The following GCSAML variants were observed in gnomAD, a reference collection of about 807,000 sequenced individuals.
GCSAML encodes the protein germinal center-associated signaling and motility-like protein.
Under a neutral mutation model 13.0 loss-of-function variants are expected in GCSAML, and 9 were observed. The observed-to-expected ratio is 0.69, with a 90% CI of 0.42 to 1.21. The LOEUF (loss-of-function observed/expected upper bound fraction) is 1.21, where lower values mean the gene tolerates loss of function less well. Among genes scored for constraint, GCSAML ranks in the 50% most tolerant of loss-of-function variants. The pLI is 0.00. For missense variants in GCSAML, 143 were observed against 153.4 expected (o/e 0.93, Z 0.36); for synonymous variants, 37 against 52.9 (o/e 0.70, Z 1.31).
chr1:247,529,715 G>A (rs1216351318), intron 2 of GCSAML: 4 of 108,808 alleles, frequency 3.7e-5, no homozygotes, highest in African/African-American at 1.3e-4. Flanking sequence ...TTACTGTGAA[G>A]GTGTTTTTTT....
chr1:247,558,455 A>T (rs978133582), intron 2 of GCSAML, among the ~76,000 whole-genome samples: 1 of 152,148 alleles, frequency 6.6e-6, no homozygotes, highest in Non-Finnish European at 1.5e-5. Flanking sequence ...ATACAGTTTG[A>T]TAAGTTTAGG....
At chr1:247,556,488 G>A (rs1402796671) in intron 2 of GCSAML, 22 bp downstream of exon 2, 7 of 1,566,458 alleles carry the variant, frequency 4.5e-6, no homozygotes, top group Non-Finnish European at 6.1e-6. Flanking sequence ...GCATCTCAGA[G>A]TTTTTTTGTT....
chr1:247,539,774 C>T (rs140855866), intron 2 of GCSAML, among the ~76,000 whole-genome samples: 24 of 152,278 alleles, frequency 1.6e-4, no homozygotes, highest in East Asian at 1.5e-3. Flanking sequence ...ATTTTTACAA[C>T]GAATCACCCT....
At chr1:247,518,250 C>G (rs924758970) in intron 1 of GCSAML, among the ~76,000 whole-genome samples, 3 of 152,250 alleles carry the variant, frequency 2.0e-5, no homozygotes, top group Admixed American at 6.5e-5. Context: ...GGTGCAGTCA[C>G]CGCTGCCTCT....
chr1:247,516,918 T>A (rs1666232113), intron 1 of GCSAML, among the ~76,000 whole-genome samples: 2 of 152,212 alleles, frequency 1.3e-5, no homozygotes, highest in Admixed American at 1.3e-4. Context: ...TTGATGGGTG[T>A]CTATTTAATA....
At chr1:247,542,465 TA>T (rs1352565120) in intron 2 of GCSAML, among the ~76,000 whole-genome samples, 3 of 152,246 alleles carry the variant, frequency 2.0e-5, no homozygotes, top group Admixed American at 2.0e-4. Flanking sequence ...TCAGTTCTTG[TA>T]GGTATATTTT....
At chr1:247,565,641 A>T in intron 3 of GCSAML, 1 of 303,604 alleles carries the variant, frequency 3.3e-6, no homozygotes, top group Non-Finnish European at 6.0e-6. Context: ...ACATTTTATT[A>T]CCAAATTTTG....
At chr1:247,545,327 A>G (rs1054327852), upstream of GCSAML, among the ~76,000 whole-genome samples, 2 of 152,254 alleles carry the variant, frequency 1.3e-5, no homozygotes, top group Non-Finnish European at 2.9e-5. Context: ...TAGATTTAAT[A>G]TTACAAATAT....
At chr1:247,535,931 A>G (rs1667200862) in intron 2 of GCSAML, among the ~76,000 whole-genome samples, 1 of 152,246 alleles carries the variant, frequency 6.6e-6, no homozygotes, top group African/African-American at 2.4e-5. Flanking sequence ...CTGAAAGTTA[A>G]GGAAACGTCT....
At chr1:247,543,280 C>T (rs998760549) in intron 2 of GCSAML, among the ~76,000 whole-genome samples, 1 of 152,196 alleles carries the variant, frequency 6.6e-6, no homozygotes, top group African/African-American at 2.4e-5. Flanking sequence ...TTATGGTAGC[C>T]CCCCTTATCA....
chr1:247,566,641 C>T (rs970209627), intron 4 of GCSAML, among the ~76,000 whole-genome samples: 1 of 152,120 alleles, frequency 6.6e-6, no homozygotes, highest in African/African-American at 2.4e-5. Context: ...TTATTTTTAG[C>T]TTTCCACATT....
chr1:247,530,918 C>A (rs1274944122), intron 2 of GCSAML: 1 of 152,476 alleles, frequency 6.6e-6, no homozygotes, highest in Admixed American at 6.5e-5. Context: ...TGAGTCCCGG[C>A]GGCTCGGCGC....
intron 3 of GCSAML, chr1:247,565,722 A>C (rs538889088): frequency 1.5e-5 from 8 of 524,766 alleles, no homozygotes; most frequent in African/African-American, 1.4e-4. Flanking sequence ...CTATCTCAGA[A>C]CACATGTTCT....
chr1:247,573,810 C>T (rs1306177518), intron 4 of GCSAML, among the ~76,000 whole-genome samples: 1 of 152,184 alleles, frequency 6.6e-6, no homozygotes, highest in Non-Finnish European at 1.5e-5. Context: ...ATTGCTTCTT[C>T]CTATCCTTGA....
chr1:247,562,921 C>A (rs1280071565), intron 2 of GCSAML, among the ~76,000 whole-genome samples: 1 of 151,968 alleles, frequency 6.6e-6, no homozygotes, highest in African/African-American at 2.4e-5. Flanking sequence ...CTCGCTGCAA[C>A]CTCTGCCTCC....
At chr1:247,537,160 A>G (rs1667248304) in intron 2 of GCSAML, among the ~76,000 whole-genome samples, 1 of 152,140 alleles carries the variant, frequency 6.6e-6, no homozygotes, top group South Asian at 2.1e-4. Flanking sequence ...CCAGCCACTA[A>G]TCTGCTTTCT....
chr1:247,557,521 C>A (rs1416319785), intron 2 of GCSAML, among the ~76,000 whole-genome samples: 1 of 152,126 alleles, frequency 6.6e-6, no homozygotes, highest in Non-Finnish European at 1.5e-5. Context: ...TGGTTTCTGT[C>A]TCTGAGATGG....
chr1:247,570,401 G>C (rs1469294259), intron 4 of GCSAML, among the ~76,000 whole-genome samples: 2 of 152,130 alleles, frequency 1.3e-5, no homozygotes. Context: ...GTTCTGGTTT[G>C]TTGTGTCTTT....
chr1:247,525,899 A>T (rs1305984879), intron 1 of GCSAML: 1 of 152,214 alleles, frequency 6.6e-6, no homozygotes, highest in Non-Finnish European at 1.5e-5. Flanking sequence ...CACTTTAAGG[A>T]ATCCAAGGAT....
Sources: allele counts gnomAD v4.1 joint callset (sites outside exome capture counted in the v4.1 genomes callset), GRCh38; gene constraint gnomAD v4.1.1; transcripts MANE v1.5; gene names NCBI Gene and HGNC (gene_info 2026-07-23, HGNC 2026-07-21).